Variants in HDAC9 observed in about 807,000 individuals in gnomAD.
HDAC9 encodes histone deacetylase 9.
HDAC9 carries 41 observed loss-of-function variants against 139.4 expected under a neutral mutation model. The observed-to-expected ratio is 0.29, with a 90% CI of 0.23 to 0.38. The LOEUF (loss-of-function observed/expected upper bound fraction) is 0.38, where lower values mean the gene tolerates loss of function less well. Among genes scored for constraint, HDAC9 ranks in the 10% least tolerant of loss-of-function variants. HDAC9 has a pLI of 1.00. For synonymous variants in HDAC9, 517 were observed against 476.2 expected (o/e 1.09, Z -1.12); for missense variants, 1,147 against 1,297.0 (o/e 0.88, Z 1.78).
intron 25 of HDAC9, among the ~76,000 whole-genome samples, chr7:18,979,943 A>T (rs1303897467): frequency 6.6e-6 from 1 of 152,216 alleles, no homozygotes; most frequent in East Asian, 1.9e-4. Flanking sequence ...TTTCAAAATG[A>T]GATTTGGGCA....
chr7:18,986,990 A>G (rs1473073408), intron 25 of HDAC9, among the ~76,000 whole-genome samples: 2 of 152,180 alleles, frequency 1.3e-5, no homozygotes, highest in Non-Finnish European at 2.9e-5. Context: ...GGTTTTCTAG[A>G]TATACAATCA....
In HDAC9 at chr7:18,445,910, G is replaced by A. The variant is rs114598525; in HGVS notation, c.-41-50352G>A. ...CTATTTAACCTTTTGAACAAAAACCGGTTTACAAGTCAAACATATCTTAGG... is the reference window on the plus strand; with the variant it reads ...CTATTTAACCTTTTGAACAAAAACCAGTTTACAAGTCAAACATATCTTAGG... On this transcript the variant is annotated intron_variant, in intron 1 of 3. Transcript: ENST00000413509. 2.4e-3 allele frequency among the ~76,000 whole-genome samples: 358 copies of A among 152,254 alleles called. 2 individuals are homozygous for A. Among genetic ancestry groups the A allele is most frequent in the African/African-American group, 7.8e-3 (326 of 41,556 alleles).
At chr7:18,882,500 A>G (rs1385809475) in intron 22 of HDAC9, among the ~76,000 whole-genome samples, 1 of 152,116 alleles carries the variant, frequency 6.6e-6, no homozygotes, top group Non-Finnish European at 1.5e-5. Flanking sequence ...GGGAGATGAT[A>G]GGGTCCTTTA....
chr7:18,446,902 A>G (rs1792348089), intron 1 of HDAC9, among the ~76,000 whole-genome samples: 1 of 152,188 alleles, frequency 6.6e-6, no homozygotes, highest in Admixed American at 6.5e-5. Flanking sequence ...AAGGTTGGAT[A>G]TTTAGTTTCT....
chr7:18,539,556 T>C (rs992752292), intron 2 of HDAC9, among the ~76,000 whole-genome samples: 2 of 152,260 alleles, frequency 1.3e-5, no homozygotes, highest in African/African-American at 4.8e-5. Flanking sequence ...TTTTAACAAA[T>C]GTCTTATGGT....
intron 2 of HDAC9, among the ~76,000 whole-genome samples, chr7:18,212,925 G>A (rs1792049782): frequency 6.6e-6 from 1 of 152,202 alleles, no homozygotes; most frequent in Non-Finnish European, 1.5e-5. Flanking sequence ...GGAGTTCTGA[G>A]ATGCTGCTTA....
intron 11 of HDAC9, among the ~76,000 whole-genome samples, chr7:18,661,382 A>G (rs1265608069): frequency 6.6e-6 from 1 of 152,100 alleles, no homozygotes; most frequent in African/African-American, 2.4e-5. Flanking sequence ...ATCTAAGAAA[A>G]CAAGTTAAGT....
chr7:18,215,992 C>T (rs1332563001), intron 2 of HDAC9, among the ~76,000 whole-genome samples: 8 of 152,058 alleles, frequency 5.3e-5, no homozygotes, highest in African/African-American at 1.9e-4. Context: ...TGGCTTCTCT[C>T]GTCTCGCACC....
intron 21 of HDAC9, among the ~76,000 whole-genome samples, chr7:18,859,348 A>G (rs1008015802): frequency 6.6e-6 from 1 of 152,040 alleles, no homozygotes; most frequent in African/African-American, 2.4e-5. Flanking sequence ...TATTTTAGCT[A>G]TGAATACATG....
intron 23 of HDAC9, among the ~76,000 whole-genome samples, chr7:18,946,334 C>A (rs1393350254): frequency 1.3e-5 from 2 of 151,864 alleles, no homozygotes; most frequent in African/African-American, 4.8e-5. Context: ...GTACAAATCA[C>A]ATATAAGTGG....
At chr7:18,400,532 A>G (rs1787443222) in intron 1 of HDAC9, among the ~76,000 whole-genome samples, 1 of 152,194 alleles carries the variant, frequency 6.6e-6, no homozygotes, top group South Asian at 2.1e-4. Context: ...ACATGGGGTC[A>G]TCCATTGAGA....
chr7:18,703,439 G>C (rs748205782), intron 12 of HDAC9, among the ~76,000 whole-genome samples: 1 of 152,044 alleles, frequency 6.6e-6, no homozygotes. Flanking sequence ...AATCTCATTG[G>C]TGAATTTCTG....
At position 18,724,013 on chromosome 7, in the gene HDAC9, T is replaced by C. The variant is rs575074853; in HGVS notation, c.1732-3567T>C. Reference sequence around the variant, plus strand: ...GCTTTCAACGTTATACAAGGAAAGATCATGTTACACACACACAAAAATGTG... The same window carrying C: ...GCTTTCAACGTTATACAAGGAAAGACCATGTTACACACACACAAAAATGTG... On this transcript the variant is annotated intron_variant, in intron 12 of 25. Transcript: ENST00000686413. Among the ~76,000 whole-genome samples the C allele has an allele frequency of 7.8e-4, 119 of 152,292 alleles. No homozygotes were observed. In the South Asian group the frequency reaches 0.024, roughly 31 times the overall value.
At chr7:18,340,602 A>G (rs1198637292) in intron 1 of HDAC9, among the ~76,000 whole-genome samples, 1 of 151,576 alleles carries the variant, frequency 6.6e-6, no homozygotes, top group Non-Finnish European at 1.5e-5. Context: ...TTCAAGTGAT[A>G]TTATAGCATT....
At chr7:18,562,609 T>C (rs555400347) in intron 2 of HDAC9, among the ~76,000 whole-genome samples, 2 of 152,292 alleles carry the variant, frequency 1.3e-5, no homozygotes, top group African/African-American at 4.8e-5. Context: ...ACCATTCATC[T>C]GTACATCTGT....
At chr7:18,657,319 C>T (rs1444575030) in intron 11 of HDAC9, among the ~76,000 whole-genome samples, 1 of 151,986 alleles carries the variant, frequency 6.6e-6, no homozygotes, top group African/African-American at 2.4e-5. Context: ...AGGAATTGAT[C>T]AATGGGGGAA....
At chr7:18,092,226 A>C (rs1190779540) in intron 1 of HDAC9, among the ~76,000 whole-genome samples, 1 of 151,934 alleles carries the variant, frequency 6.6e-6, no homozygotes, top group African/African-American at 2.4e-5. Context: ...TTGCTACAAA[A>C]AAATGCAGAA....
rs76872642 is a variant in HDAC9, at chr7:18,629,780, G to A, written c.796+299G>A. 4.7e-3 allele frequency among the ~76,000 whole-genome samples: 720 copies of A among 152,198 alleles called. 3 individuals carry two copies. The highest frequency in any genetic ancestry group is 0.016 in the African/African-American group (676 of 41,530). Reference sequence around the variant, plus strand: ...CAGTCCATTTTGGGAATGCCAACCAGGAGAATATAATTTTTAATGAAATTT... The same window carrying A: ...CAGTCCATTTTGGGAATGCCAACCAAGAGAATATAATTTTTAATGAAATTT... On this transcript the variant is annotated intron_variant, in intron 7 of 25. Transcript: ENST00000686413.
upstream of HDAC9, among the ~76,000 whole-genome samples, chr7:18,493,927 C>T (rs886356022): frequency 6.6e-6 from 1 of 151,946 alleles, no homozygotes; most frequent in African/African-American, 2.4e-5. Context: ...AGTTTGAAAA[C>T]TACAATTGAC....
Sources: gnomAD v4.1 joint callset for allele counts (sites outside exome capture counted in the v4.1 genomes callset) on GRCh38, gnomAD v4.1.1 for gene constraint, MANE v1.5 for transcripts, NCBI Gene and HGNC (gene_info 2026-07-23, HGNC 2026-07-21) for gene names.